The following MTA3 variants were observed in gnomAD, a reference collection of about 807,000 sequenced individuals.
MTA3 encodes metastasis associated 1 family member 3, also known as metastasis-associated protein MTA3.
MTA3 carries 34 observed loss-of-function variants against 83.5 expected under a neutral mutation model. The observed-to-expected ratio is 0.41, with a 90% confidence interval of 0.31 to 0.54. The LOEUF (loss-of-function observed/expected upper bound fraction) is 0.54. Among genes scored for constraint, MTA3 ranks in the 20% least tolerant of loss-of-function variants. MTA3 has a pLI of 0.33. For missense variants in MTA3, 761 were observed against 726.4 expected (o/e 1.05, Z -0.55); for synonymous variants, 303 against 252.7 (o/e 1.20, Z -1.89).
chr2:42,554,363 G>A (rs1243736814), intron 2 of MTA3, among the ~76,000 whole-genome samples: 3 of 152,236 alleles, frequency 2.0e-5, no homozygotes, highest in Admixed American at 6.5e-5. Context: ...GGTGCTCGAT[G>A]TAAGAATCAC....
At position 42,568,707 on chromosome 2, in the gene MTA3, G is replaced by C. The variant is rs1382015679; in HGVS notation, c.-39G>C. 1.0e-5 allele frequency: 12 copies of C among 1,204,948 alleles called. No individual in the cohort carries two copies. Among genetic ancestry groups the C allele is most frequent in the Non-Finnish European group, 1.2e-5 (12 of 971,610 alleles). The allele number at this position is 1,204,948 out of a possible 1,614,324, so 74.6% of individuals were successfully genotyped here. A position where few individuals can be genotyped will look rare whatever the true frequency, so the allele number is the denominator to read the frequency against. On this transcript the variant is annotated 5_prime_UTR_variant, in exon 1 of 17. Coordinates refer to ENST00000405094, the MANE Select transcript of MTA3 (RefSeq NM_001330442.2). Reference sequence around the variant, plus strand: ...GCTGAGGAGGAGGCGGCGGCGGCGGGCGGGGCTCGGCTCGGGCTCCGCGGG... The same window carrying C: ...GCTGAGGAGGAGGCGGCGGCGGCGGCCGGGGCTCGGCTCGGGCTCCGCGGG...
chr2:42,628,238 A>ATTTATTTATTTG, intron 4 of MTA3, among the ~76,000 whole-genome samples: 1 of 148,796 alleles, frequency 6.7e-6, no homozygotes, highest in African/African-American at 2.5e-5. Context: ...TTATTTATTT[A>ATTTATTTATTTG]TTTATTTTTG....
intron 3 of MTA3, among the ~76,000 whole-genome samples, chr2:42,586,383 G>T (rs1474993287): frequency 1.3e-5 from 2 of 149,164 alleles, no homozygotes; most frequent in African/African-American, 2.5e-5. Flanking sequence ...CCAGGAGTTG[G>T]AGACTAGCCT....
Position 42,539,364 on chromosome 2 carries a change from G to A in MTA3, c.-140-31073G>A, listed in dbSNP as rs189182065. The stretch of plus-strand genomic sequence containing the variant: ...TCCTTCTTCACAGGGCAGCAGGAGA[G>A]AGAAGAATGAGAGCTGAGCAAAGGG... On this transcript the variant is annotated intron_variant, in intron 2 of 17. Transcript: ENST00000405592. Among the ~76,000 whole-genome samples, 5 of 152,150 alleles carry A rather than the reference G, an allele frequency of 3.3e-5. No homozygotes were observed. The East Asian group carries it at 9.7e-4, about 29-fold the overall frequency.
intron 16 of MTA3, among the ~76,000 whole-genome samples, chr2:42,728,581 A>G (rs1330980420): frequency 6.6e-6 from 1 of 152,160 alleles, no homozygotes; most frequent in East Asian, 1.9e-4. Flanking sequence ...CCAACAGTGT[A>G]TGAGGGTTCC....
At chr2:42,571,227 T>C (rs1009192864) in intron 2 of MTA3, among the ~76,000 whole-genome samples, 3 of 151,366 alleles carry the variant, frequency 2.0e-5, no homozygotes, top group Non-Finnish European at 4.4e-5. Context: ...AAACCCTGTT[T>C]CTACTAAAAA....
chr2:42,697,831 C>T lies in MTA3; in HGVS notation c.1022C>T (p.Thr341Ile). 1.3e-6 allele frequency: 2 copies of T among 1,521,128 alleles called. No individual in the cohort carries two copies. Among genetic ancestry groups the T allele is most frequent in the Non-Finnish European group, 1.8e-6 (2 of 1,131,512 alleles). The allele number at this position is 1,521,128 out of a possible 1,614,324, so 94.2% of individuals were successfully genotyped here. A position where few individuals can be genotyped will look rare whatever the true frequency, so the allele number is the denominator to read the frequency against. ...ESKLKQVYIP[T>I]YSKPNPNQIS... ...AAACTGAAACAAGTATATATCCCAACCTAGTAAGTAATTGAAATCTTTTAA... is the reference window on the plus strand; with the variant it reads ...AAACTGAAACAAGTATATATCCCAATCTAGTAAGTAATTGAAATCTTTTAA... The change falls in exon 11 of 17, where the codon ACC becomes ATC. Residue 341 changes from threonine (T) to isoleucine (I), a missense_variant. Physicochemically the swap from Thr to Ile is moderately conservative, Grantham distance 89. Transcript: ENST00000405094.
intron 2 of MTA3, among the ~76,000 whole-genome samples, chr2:42,505,536 C>G (rs1674591254): frequency 6.6e-6 from 1 of 152,004 alleles, no homozygotes; most frequent in African/African-American, 2.4e-5. Context: ...CTCCTCTCTA[C>G]CAAGCACTAA....
At position 42,753,427 on chromosome 2, in the gene MTA3, A is replaced by G; in HGVS notation, c.*28A>G. ...TTTCCCTGATTCATTCTACAATCCA[A>G]GACTTGCTGCACTGTCCTGCTGATG... On this transcript the variant is annotated 3_prime_UTR_variant, in exon 17 of 17. Coordinates refer to ENST00000405094, the MANE Select transcript of MTA3 (RefSeq NM_001330442.2). 4 of 1,550,490 alleles carry G rather than the reference A, an allele frequency of 2.6e-6. No homozygotes were observed. The highest frequency in any genetic ancestry group is 3.5e-6 in the Non-Finnish European group (4 of 1,146,920).
At chr2:42,689,609 T>A (rs1365031915) in intron 9 of MTA3, among the ~76,000 whole-genome samples, 1 of 152,140 alleles carries the variant, frequency 6.6e-6, no homozygotes, top group Admixed American at 6.5e-5. Flanking sequence ...TTTGGTAGTT[T>A]GTCTTCCAAA....
At chr2:42,668,582 G>A (rs1363065540) in intron 8 of MTA3, among the ~76,000 whole-genome samples, 1 of 152,186 alleles carries the variant, frequency 6.6e-6, no homozygotes, top group Admixed American at 6.5e-5. Flanking sequence ...TTGAGAAGAC[G>A]ACAATGGTGC....
chr2:42,725,799 C>T (rs1205711697), intron 16 of MTA3, among the ~76,000 whole-genome samples: 3 of 152,324 alleles, frequency 2.0e-5, no homozygotes, highest in South Asian at 2.1e-4. Flanking sequence ...ATCCTTCTAG[C>T]GCCCTGCTGG....
rs1670267122 is a variant in MTA3 at position 42,756,770 on chromosome 2, A to G, written c.*3371A>G. 1 of 985,300 alleles carries G rather than the reference A, an allele frequency of 1.0e-6. No homozygotes were observed. The highest frequency in any genetic ancestry group is 1.2e-6 in the Non-Finnish European group (1 of 829,914). 61.0% of individuals were successfully genotyped at this position (985,300 alleles called of 1,614,324 possible). ...TCCACCCCTCCTGTTCCTCTGCACT[A>G]TGTCTCTGATTTTCCCTGCCAGGGA... On this transcript the variant is annotated 3_prime_UTR_variant, in exon 17 of 17. Coordinates refer to ENST00000405094, the MANE Select transcript of MTA3 (RefSeq NM_001330442.2).
chr2:42,552,523 G>T (rs1419770661), intron 2 of MTA3, among the ~76,000 whole-genome samples: 1 of 151,752 alleles, frequency 6.6e-6, no homozygotes. Context: ...TTTGGGAAGT[G>T]AGGTGAGAGG....
chr2:42,536,340 T>A (rs1270838682), intron 2 of MTA3, among the ~76,000 whole-genome samples: 1 of 151,898 alleles, frequency 6.6e-6, no homozygotes. Flanking sequence ...CTGGGCCTGG[T>A]GGCACATGCC....
intron 6 of MTA3, among the ~76,000 whole-genome samples, chr2:42,651,014 C>G (rs1688666458): frequency 1.3e-5 from 2 of 152,158 alleles, no homozygotes; most frequent in South Asian, 4.1e-4. Flanking sequence ...TACTAAACAC[C>G]CAGGCTATAT....
chr2:42,658,323 G>A (rs1689358059), intron 7 of MTA3, among the ~76,000 whole-genome samples: 3 of 152,104 alleles, frequency 2.0e-5, no homozygotes, highest in Non-Finnish European at 4.4e-5. Flanking sequence ...TATCTATGCA[G>A]CAGAAATGCA....
chr2:42,720,858 G>A (rs539596314), intron 15 of MTA3, among the ~76,000 whole-genome samples: 35 of 150,122 alleles, frequency 2.3e-4, no homozygotes, highest in African/African-American at 8.6e-4. Context: ...TGAGGTGGGA[G>A]GATTGACCGC....
intron 16 of MTA3, chr2:42,752,449 C>T: frequency 2.8e-6 from 1 of 353,898 alleles, no homozygotes; most frequent in African/African-American, 2.1e-5. Flanking sequence ...GCTTTCACAA[C>T]TTTCTAATAC....
Sources: allele counts gnomAD v4.1 joint callset (sites outside exome capture counted in the v4.1 genomes callset), GRCh38; gene constraint gnomAD v4.1.1; transcripts MANE v1.5; gene names NCBI Gene and HGNC (gene_info 2026-07-23, HGNC 2026-07-21).